The following FAM24B variants were observed in gnomAD, a reference collection of about 807,000 sequenced individuals.
FAM24B encodes the protein protein FAM24B.
FAM24B carries 3 observed loss-of-function variants against 2.3 expected under a neutral mutation model. The ratio of observed to expected loss-of-function variants is 1.29; its 90% CI spans 0.59 to 3.32. The LOEUF is 3.32. Ranked by LOEUF, FAM24B falls within the 30% of genes most tolerant of loss-of-function variation. The pLI, the probability that FAM24B is intolerant of heterozygous loss-of-function variation, is 0.03. For missense variants in FAM24B, 98 were observed against 117.2 expected (o/e 0.84, Z 0.76); for synonymous variants, 36 against 46.3 (o/e 0.78, Z 0.90).
intron 1 of FAM24B, among the ~76,000 whole-genome samples, chr10:122,878,037 C>G (rs544473848): frequency 1.3e-5 from 2 of 152,314 alleles, no homozygotes; most frequent in Admixed American, 1.3e-4. Context: ...ATTATAGTAT[C>G]TAAAAACTCT....
At chr10:122,873,367 A>G (rs751136605) in intron 1 of FAM24B, among the ~76,000 whole-genome samples, 2 of 152,234 alleles carry the variant, frequency 1.3e-5, no homozygotes, top group African/African-American at 2.4e-5. Flanking sequence ...AAATGGAACA[A>G]CAAAACCAGG....
rs566528141 is a variant in FAM24B at position 122,860,838 on chromosome 10, A to C, written c.-177-5052T>G. Among the ~76,000 whole-genome samples the C allele has an allele frequency of 4.0e-4, 61 of 152,268 alleles. 1 individual carries two copies. The highest frequency in any genetic ancestry group is 2.1e-3 in the South Asian group (10 of 4,828). On this transcript the variant is annotated intron_variant, in intron 1 of 3. Coordinates refer to ENST00000368898, the MANE Select transcript of FAM24B (RefSeq NM_152644.3). The stretch of plus-strand genomic sequence containing the variant: ...TTATTGGTAGATAACTTCCTTGATA[A>C]AGTATCTTTTTAGCTCTTTTGCTTA...
intron 1 of FAM24B, among the ~76,000 whole-genome samples, chr10:122,877,448 G>A (rs1488765909): frequency 6.6e-6 from 1 of 152,104 alleles, no homozygotes; most frequent in Admixed American, 6.5e-5. Flanking sequence ...CTTCTGGGTG[G>A]GGCTGTAGGA....
chr10:122,878,732 A>C (rs1306735221), intron 1 of FAM24B, among the ~76,000 whole-genome samples: 2 of 151,716 alleles, frequency 1.3e-5, no homozygotes, highest in Non-Finnish European at 2.9e-5. Flanking sequence ...GGAGAAAGAC[A>C]GGGAAGTTTT....
rs1589677792 is a variant in FAM24B, at chr10:122,872,815, T to A, written c.-178+6670A>T. Among the ~76,000 whole-genome samples, 8 of 152,242 alleles carry A rather than the reference T, an allele frequency of 5.3e-5. No homozygotes were observed. The South Asian group carries it at 1.7e-3, about 32-fold the overall frequency. On this transcript the variant is annotated intron_variant, in intron 1 of 3. Transcript: ENST00000368898. ...GTGGGAGGAGGGGGGACGGATAGCA[T>A]TAGGAGATATACCTAATGTTAAATG... is the stretch of plus-strand genomic sequence containing the variant.
intron 2 of FAM24B, 51 bp from the exon 3 acceptor site, chr10:122,850,601 A>T: frequency 1.1e-6 from 1 of 878,356 alleles, no homozygotes; most frequent in Non-Finnish European, 2.0e-6. Context: ...CTCCCTCCCC[A>T]CACAACCACT....
At chr10:122,850,263 A>G (rs1480554964) in intron 3 of FAM24B, among the ~76,000 whole-genome samples, 161 bp downstream of exon 3, 1 of 152,184 alleles carries the variant, frequency 6.6e-6, no homozygotes, top group East Asian at 1.9e-4. Flanking sequence ...TTGCTTTTAC[A>G]AAGCTGCCTG....
intron 1 of FAM24B, among the ~76,000 whole-genome samples, chr10:122,864,657 C>G (rs1178182090): frequency 6.6e-6 from 1 of 152,158 alleles, no homozygotes; most frequent in Non-Finnish European, 1.5e-5. Context: ...ACATATCCAC[C>G]ATTATAGTAT....
chr10:122,851,705 A>C (rs1316073812), intron 2 of FAM24B, among the ~76,000 whole-genome samples: 1 of 152,242 alleles, frequency 6.6e-6, no homozygotes, highest in Non-Finnish European at 1.5e-5. Flanking sequence ...GTTTTCAAAA[A>C]AGCCTATAAG....
intron 1 of FAM24B, among the ~76,000 whole-genome samples, chr10:122,871,600 T>C (rs1336019978): frequency 6.6e-6 from 1 of 152,080 alleles, no homozygotes; most frequent in Non-Finnish European, 1.5e-5. Context: ...TATAGACCGA[T>C]GGAACAGAAC....
chr10:122,869,157 T>C (rs1013217589), intron 1 of FAM24B, among the ~76,000 whole-genome samples: 4 of 151,984 alleles, frequency 2.6e-5, no homozygotes, highest in Admixed American at 2.6e-4. Context: ...AAACAGACTT[T>C]AAACCAACAA....
At position 122,866,811 on chromosome 10, in the gene FAM24B, C is replaced by T. The variant is rs150259257; in HGVS notation, c.-177-11025G>A. 6.4e-3 allele frequency among the ~76,000 whole-genome samples: 981 copies of T among 152,098 alleles called. 8 individuals are homozygous for T. The highest frequency in any genetic ancestry group is 0.016 in the African/African-American group (665 of 41,498). ...CCTATTCCCTGAGACACAAAAATATCGAAATGATAACAATTAATACCCCTA... is the reference window on the plus strand; with the variant it reads ...CCTATTCCCTGAGACACAAAAATATTGAAATGATAACAATTAATACCCCTA... On this transcript the variant is annotated intron_variant, in intron 1 of 3. Transcript: ENST00000368898.
intron 1 of FAM24B, among the ~76,000 whole-genome samples, chr10:122,875,714 T>A (rs956367544): frequency 6.6e-6 from 1 of 151,444 alleles, no homozygotes; most frequent in Non-Finnish European, 1.5e-5. Context: ...TAATAATTGG[T>A]CACAGCTGGC....
chr10:122,873,749 T>G (rs1847936227), intron 1 of FAM24B, among the ~76,000 whole-genome samples: 1 of 152,370 alleles, frequency 6.6e-6, no homozygotes, highest in South Asian at 2.1e-4. Flanking sequence ...TTTTCCAACA[T>G]GTACTCAGTA....
intron 1 of FAM24B, among the ~76,000 whole-genome samples, chr10:122,860,126 T>G (rs1311350678): frequency 6.6e-6 from 1 of 152,184 alleles, no homozygotes; most frequent in Non-Finnish European, 1.5e-5. Context: ...ATCAGGTATT[T>G]GTCCACAACA....
intron 2 of FAM24B, 34 bp from the exon 3 acceptor site, chr10:122,850,584 A>C: frequency 8.9e-7 from 1 of 1,120,812 alleles, no homozygotes; most frequent in African/African-American, 1.5e-5. Context: ...CACTGAGCCC[A>C]CGTGGTCTCC....
intron 1 of FAM24B, among the ~76,000 whole-genome samples, chr10:122,862,734 A>G (rs36212412): frequency 0.015 from 2,235 of 152,234 alleles, 51 homozygotes; most frequent in African/African-American, 0.045. Context: ...AATTCTTCTA[A>G]TATAACAATG....
intron 2 of FAM24B, among the ~76,000 whole-genome samples, chr10:122,854,172 T>C (rs532979688): frequency 6.6e-6 from 1 of 152,334 alleles, no homozygotes; most frequent in South Asian, 2.1e-4. Context: ...CCAATATTAT[T>C]TCATTTATTA....
chr10:122,869,249 A>G (rs1847852441), intron 1 of FAM24B, among the ~76,000 whole-genome samples: 1 of 152,214 alleles, frequency 6.6e-6, no homozygotes, highest in Non-Finnish European at 1.5e-5. Context: ...CTAAATATAT[A>G]TGCACCCAGT....
Sources: gnomAD v4.1 joint callset for allele counts (sites outside exome capture counted in the v4.1 genomes callset) on GRCh38, gnomAD v4.1.1 for gene constraint, MANE v1.5 for transcripts, NCBI Gene and HGNC (gene_info 2026-07-23, HGNC 2026-07-21) for gene names.